Variants in CHL1 observed in about 807,000 individuals in gnomAD.
CHL1 encodes the protein cell adhesion molecule L1 like.
CHL1 carries 96 observed loss-of-function variants against 141.9 expected under a neutral mutation model. The ratio of observed to expected loss-of-function variants is 0.68; its 90% confidence interval spans 0.57 to 0.80. The LOEUF is 0.80. Ranked by LOEUF, CHL1 falls within the 30% of genes least tolerant of loss-of-function variation. The probability of loss-of-function intolerance (pLI) is 0.00; values close to 1 mark genes in which losing one functional copy is unlikely to be tolerated. For missense variants in CHL1, 1,820 were observed against 1,457.2 expected, an observed-to-expected ratio of 1.25 and a Z score of -4.05; for synonymous variants, 613 against 502.2, an observed-to-expected ratio of 1.22 and a Z score of -2.95.
At chr3:334,075 A>C (rs9858162) in intron 5 of CHL1, among the ~76,000 whole-genome samples, 4 of 152,204 alleles carry the variant, frequency 2.6e-5, no homozygotes, top group Middle Eastern at 3.4e-3. Flanking sequence ...TTCCACCTAA[A>C]CCTACCCAGT....
At chr3:357,138 G>T (rs1463535427) in intron 11 of CHL1, among the ~76,000 whole-genome samples, 4 of 152,174 alleles carry the variant, frequency 2.6e-5, no homozygotes, top group Non-Finnish European at 5.9e-5. Context: ...GCTGAATAAT[G>T]GTAGACTTCA....
chr3:360,558 G>C (rs1704135343), intron 12 of CHL1, 134 bp downstream of exon 12: 3 of 874,866 alleles, frequency 3.4e-6, no homozygotes, highest in South Asian at 2.0e-5. Context: ...CCATACATTT[G>C]AGTTTTAGAC....
chr3:391,172 T>C lies in CHL1; in HGVS notation c.2791+13T>C. On this transcript the variant is annotated intron_variant, in intron 22 of 27. Transcript: ENST00000256509. ...ACACCAGAAGGAGGTGAGAGGATAA[T>C]GATGTAGAGTCATGTCAAAAATGGA... is the stretch of plus-strand genomic sequence containing the variant. 6.3e-7 allele frequency: 1 copy of C among 1,581,982 alleles called. No individual in the cohort carries two copies.
chr3:241,597 C>G (rs1408228312), intron 1 of CHL1, among the ~76,000 whole-genome samples: 5 of 134,316 alleles, frequency 3.7e-5, no homozygotes, highest in African/African-American at 1.0e-4. Flanking sequence ...TTTTTTTTTA[C>G]TTTGCCTCAA....
chr3:280,554 G>T (rs1043311723), intron 2 of CHL1, among the ~76,000 whole-genome samples: 1 of 152,164 alleles, frequency 6.6e-6, no homozygotes, highest in Non-Finnish European at 1.5e-5. Context: ...ATTCAGAACT[G>T]CTTCTGGTAA....
Position 401,649 on chromosome 3 carries a change from C to G in CHL1, c.3409C>G (p.Pro1137Ala). ...AGTTAAAGAAAAGGAAGATTTGCAT[C>G]CAGACCCAGAAATTCAGTCAGTAAA... ...YSVKEKEDLHPDPEIQSVKDE... is the reference protein window; with the variant it reads ...YSVKEKEDLHADPEIQSVKDE... Residue 1137 changes from proline to alanine, a missense_variant, in exon 27 of 28, where the codon CCA (proline) becomes GCA (alanine). Physicochemically the swap from Pro to Ala is conservative, Grantham distance 27 (BLOSUM62 -1). Transcript: ENST00000256509. The G allele has an allele frequency of 6.3e-7, 1 of 1,596,646 alleles. No homozygotes were observed. The highest frequency in any genetic ancestry group is 8.5e-7 in the Non-Finnish European group (1 of 1,171,456).
intron 1 of CHL1, among the ~76,000 whole-genome samples, chr3:231,656 C>T (rs1183950014): frequency 7.2e-6 from 1 of 138,886 alleles, no homozygotes; most frequent in Non-Finnish European, 1.5e-5. Flanking sequence ...TGGTTTATTG[C>T]AACTTCTGCC....
At chr3:214,067 C>G (rs1374380044) in intron 1 of CHL1, among the ~76,000 whole-genome samples, 1 of 152,120 alleles carries the variant, frequency 6.6e-6, no homozygotes, top group Non-Finnish European at 1.5e-5. Context: ...CTTGCTTAAT[C>G]GCTTCACAGA....
chr3:335,183 G>A (rs1701767284), intron 5 of CHL1, among the ~76,000 whole-genome samples: 1 of 152,206 alleles, frequency 6.6e-6, no homozygotes, highest in African/African-American at 2.4e-5. Flanking sequence ...CCTGGATGTT[G>A]TAGCCTGTGC....
chr3:236,536 C>T (rs570126550), intron 1 of CHL1, among the ~76,000 whole-genome samples: 6 of 152,188 alleles, frequency 3.9e-5, no homozygotes, highest in East Asian at 1.9e-4. Flanking sequence ...TGTGTCTCTC[C>T]GTTTTTGGAA....
Position 344,624 on chromosome 3 carries a change from T to C in CHL1, c.763T>C (p.Leu255=). 1 of 1,612,844 alleles carries C rather than the reference T, an allele frequency of 6.2e-7. No homozygotes were observed. Among genetic ancestry groups the C allele is most frequent in the Non-Finnish European group, 8.5e-7 (1 of 1,179,234 alleles). The change falls in exon 9 of 28, where the codon TTG becomes CTG. Residue 255 remains leucine (L), a synonymous_variant. Coordinates refer to ENST00000256509, the MANE Select transcript of CHL1 (RefSeq NM_006614.4). The part of the protein sequence containing the change: ...SIKQRKPKLL[L]PPTESGSESS... ...CAAGCAAAGAAAACCCAAACTGCTGTTGCCTCCCACTGAGAGTGGCAGTGA... is the reference window on the plus strand; with the variant it reads ...CAAGCAAAGAAAACCCAAACTGCTGCTGCCTCCCACTGAGAGTGGCAGTGA...
At position 391,708 on chromosome 3, in the gene CHL1, A is replaced by T; in HGVS notation, c.2825A>T (p.Lys942Ile). ...CAGCCAACTTTTCTAAAGGTCATCA[A>T]AGTTGATAAAGACACTGCCACTTTA... ...PEQPTFLKVI[K>I]VDKDTATLSW... is the part of the protein sequence containing the mutation. The change falls in exon 23 of 28, where the codon AAA becomes ATA. Residue 942 changes from lysine (K) to isoleucine (I), a missense_variant. Lys to Ile is a moderately radical substitution (Grantham distance 102). Coordinates refer to ENST00000256509, the MANE Select transcript of CHL1 (RefSeq NM_006614.4). The T allele has an allele frequency of 3.7e-6, 6 of 1,606,262 alleles. No individual in the cohort carries two copies. Among genetic ancestry groups the T allele is most frequent in the Admixed American group, 1.7e-5 (1 of 59,228 alleles).
Position 204,567 on chromosome 3 carries a change from G to A in CHL1, c.-175+7504G>A, listed in dbSNP as rs140939476. 1.3e-3 allele frequency among the ~76,000 whole-genome samples: 194 copies of A among 152,340 alleles called. 2 individuals carry two copies. Among genetic ancestry groups the A allele is most frequent in the African/African-American group, 4.4e-3 (184 of 41,580 alleles). ...GTGGGGATTTTGATGATCTGTTGCG[G>A]TTAGAGTTGTTGGAAGTTCGGTTTT... On this transcript the variant is annotated intron_variant, in intron 1 of 27. Transcript: ENST00000256509.
intron 2 of CHL1, among the ~76,000 whole-genome samples, chr3:295,875 G>T (rs1285921172): frequency 6.6e-6 from 1 of 152,124 alleles, no homozygotes; most frequent in Non-Finnish European, 1.5e-5. Flanking sequence ...TTTAAGCGAC[G>T]ATTGAGTGTA....
At chr3:270,027 A>G (rs1196132827) in intron 2 of CHL1, among the ~76,000 whole-genome samples, 3 of 152,206 alleles carry the variant, frequency 2.0e-5, no homozygotes, top group Non-Finnish European at 2.9e-5. Context: ...AAGAGATGTG[A>G]TAATTCCAAG....
chr3:225,115 CAG>C (rs997447185), intron 1 of CHL1, among the ~76,000 whole-genome samples: 4 of 152,190 alleles, frequency 2.6e-5, no homozygotes, highest in Non-Finnish European at 4.4e-5. Context: ...GCCTGAGTGA[CAG>C]AGTGAGACTC....
In CHL1 at chr3:361,362, T is replaced by C. The variant is rs534895752; in HGVS notation, c.1307-337T>C. Among the ~76,000 whole-genome samples the C allele has an allele frequency of 1.3e-4, 17 of 128,276 alleles. 1 individual carries two copies. In the South Asian group the frequency reaches 4.4e-3, roughly 34 times the overall value. The allele number at this position is 128,276 out of a possible 152,430, so 84.2% of individuals were successfully genotyped here. On this transcript the variant is annotated intron_variant, in intron 12 of 27. Coordinates refer to ENST00000256509, the MANE Select transcript of CHL1 (RefSeq NM_006614.4). ...GAAGCAATGGCAACAAAAGACAAAA[T>C]TGACAAATGGGATCTAATTAAACCA...
chr3:270,535 C>G (rs1159244372), intron 2 of CHL1, among the ~76,000 whole-genome samples: 3 of 152,282 alleles, frequency 2.0e-5, no homozygotes, highest in South Asian at 4.1e-4. Context: ...AAAGAATGAG[C>G]CTTGCCTTGT....
intron 2 of CHL1, among the ~76,000 whole-genome samples, chr3:312,508 A>C (rs756817774): frequency 6.6e-6 from 1 of 152,154 alleles, no homozygotes; most frequent in Non-Finnish European, 1.5e-5. Flanking sequence ...ATGTTTGTGT[A>C]TGTGTTTATC....
Sources: gnomAD v4.1 joint callset for allele counts (sites outside exome capture counted in the v4.1 genomes callset) on GRCh38, gnomAD v4.1.1 for gene constraint, MANE v1.5 for transcripts, NCBI Gene and HGNC (gene_info 2026-07-23, HGNC 2026-07-21) for gene names.